Variants in PCDHGB3 observed in about 807,000 individuals in gnomAD.
The protein encoded by PCDHGB3 is protocadherin gamma subfamily B, 3, also known as protocadherin gamma-B3.
PCDHGB3 carries 40 observed loss-of-function variants against 59.2 expected under a neutral mutation model. The ratio of observed to expected loss-of-function variants is 0.68; its 90% CI spans 0.52 to 0.88. The LOEUF (loss-of-function observed/expected upper bound fraction) is 0.88. Among genes scored for constraint, PCDHGB3 ranks in the 40% least tolerant of loss-of-function variants. The pLI is 0.00. For synonymous variants in PCDHGB3, 581 were observed against 503.6 expected (o/e 1.15, Z -2.06); for missense variants, 1,309 against 1,187.9 (o/e 1.10, Z -1.50).
intron 1 of PCDHGB3, chr5:141,415,388 G>T: frequency 6.2e-7 from 1 of 1,614,236 alleles, no homozygotes; most frequent in Non-Finnish European, 8.5e-7. Context: ...GGCTTGACAG[G>T]TGTGTCCGGC....
intron 1 of PCDHGB3, chr5:141,389,633 C>T: frequency 1.2e-6 from 2 of 1,613,016 alleles, no homozygotes; most frequent in Non-Finnish European, 1.7e-6. Flanking sequence ...CAGAGCCTGG[C>T]TACTTGGTGA....
intron 1 of PCDHGB3, chr5:141,393,413 G>C: frequency 6.2e-7 from 1 of 1,614,046 alleles, no homozygotes; most frequent in Non-Finnish European, 8.5e-7. Flanking sequence ...AGCGCGCCCT[G>C]GACAGGGAGG....
intron 1 of PCDHGB3, chr5:141,419,861 T>G (rs749551833): frequency 6.2e-7 from 1 of 1,614,098 alleles, no homozygotes; most frequent in Non-Finnish European, 8.5e-7. Context: ...CGCAGATAGC[T>G]TGCAAGAGGT....
At position 141,476,247 on chromosome 5, in the gene PCDHGB3, G is replaced by C. The variant is rs1439421662; in HGVS notation, c.2416-18560G>C. 1 of 1,614,042 alleles carries C rather than the reference G, an allele frequency of 6.2e-7. No individual in the cohort carries two copies. Among genetic ancestry groups the C allele is most frequent in the Non-Finnish European group, 8.5e-7 (1 of 1,180,010 alleles). ...GAGATCCCGGAGGAAAGAGAGAAGG[G>C]TTTCGCTGTGGGCAACGTGGTCGCG... On this transcript the variant is annotated intron_variant, in intron 1 of 3. Coordinates refer to ENST00000576222, the MANE Select transcript of PCDHGB3 (RefSeq NM_018924.5). The surrounding 1 kb of genome is among the most constrained non-coding windows in gnomAD (Gnocchi z 7.6).
chr5:141,399,817 G>T (rs369747431), intron 1 of PCDHGB3: 1 of 1,613,224 alleles, frequency 6.2e-7, no homozygotes, highest in South Asian at 1.1e-5. Flanking sequence ...CCCCGCGCTG[G>T]GTCCCGACGG....
chr5:141,399,894 C>G lies in PCDHGB3; in HGVS notation c.2415+27085C>G, dbSNP rs201911174. ...GCTACCTGGTGACCAAGGTAGTGGC[C>G]GTGGACGCAGACTCAGGACACAACG... On this transcript the variant is annotated intron_variant, in intron 1 of 3. Transcript: ENST00000576222. 9.2e-4 allele frequency: 1,477 copies of G among 1,612,556 alleles called. 21 individuals carry two copies. In the South Asian group the frequency reaches 0.015, roughly 17 times the overall value.
intron 2 of PCDHGB3, among the ~76,000 whole-genome samples, chr5:141,496,839 AG>A (rs2099771805): frequency 1.3e-5 from 2 of 151,484 alleles, no homozygotes; most frequent in African/African-American, 4.9e-5. Context: ...CAGAACTCAT[AG>A]GCTTCCAGAC....
At chr5:141,377,633 T>C (rs1357016658) in intron 1 of PCDHGB3, 2 of 152,058 alleles carry the variant, frequency 1.3e-5, no homozygotes, top group Non-Finnish European at 2.9e-5. Flanking sequence ...TTGTTTTTTC[T>C]CAGTGTTACT....
chr5:141,379,623 A>G (rs1775713746), intron 1 of PCDHGB3: 1 of 152,198 alleles, frequency 6.6e-6, no homozygotes, highest in African/African-American at 2.4e-5. Flanking sequence ...AACAAATAAA[A>G]TATTTCTCTG....
At chr5:141,382,897 A>G in intron 1 of PCDHGB3, 1 of 1,540,826 alleles carries the variant, frequency 6.5e-7, no homozygotes, top group East Asian at 2.3e-5. Flanking sequence ...AAGCAGGACG[A>G]CTATGGCGGC....
rs115565444 is a variant in PCDHGB3, at chr5:141,487,520, G to A, written c.2416-7287G>A. On this transcript the variant is annotated intron_variant, in intron 1 of 3. Transcript: ENST00000576222. This position sits in a 1 kb window ranked among gnomAD's most constrained non-coding sequence, Gnocchi z 5.0. ...CTTGGCTTCTGCACCCACTCGGAGT[G>A]ATAGCTTCATGATGGTGAAGTCACC... is the stretch of plus-strand genomic sequence containing the variant. The A allele has an allele frequency of 3.3e-4, 540 of 1,614,166 alleles. 6 individuals carry two copies. The East Asian group carries it at 8.7e-3, about 26-fold the overall frequency.
chr5:141,421,912 A>G (rs1207036091), intron 1 of PCDHGB3: 2 of 1,613,696 alleles, frequency 1.2e-6, no homozygotes, highest in Admixed American at 1.7e-5. Context: ...CGCAGTTCCC[A>G]TTCGTGTGGT....
chr5:141,441,797 G>A, intron 1 of PCDHGB3: 2 of 386,536 alleles, frequency 5.2e-6, no homozygotes, highest in Non-Finnish European at 1.0e-5. Context: ...ACAACGCACC[G>A]CGGGTGCTGT....
intron 1 of PCDHGB3, among the ~76,000 whole-genome samples, chr5:141,434,029 A>C (rs970204484): frequency 2.6e-5 from 4 of 152,126 alleles, no homozygotes; most frequent in Admixed American, 2.6e-4. Context: ...TTCTGGAAGC[A>C]TGGTTTTCTA....
In PCDHGB3 at chr5:141,477,844, G is replaced by A. The variant is rs748180474; in HGVS notation, c.2416-16963G>A. On this transcript the variant is annotated intron_variant, in intron 1 of 3. Coordinates refer to ENST00000576222, the MANE Select transcript of PCDHGB3 (RefSeq NM_018924.5). This position sits in a 1 kb window ranked among gnomAD's most constrained non-coding sequence, Gnocchi z 4.9. ...TATATCCTCGGCCAGGTGGGAGCTC[G>A]GTGGAGATGCTGCCTCGAGGTACCT... The A allele has an allele frequency of 6.2e-7, 1 of 1,613,394 alleles. No individual in the cohort carries two copies.
rs184835272 is a variant in PCDHGB3, at chr5:141,470,234, C to A, written c.2416-24573C>A. ...AACCATTCAGCTTCTTCACCAAACC[C>A]TTGAATGTCCCACCTGTCTAAATGG... On this transcript the variant is annotated intron_variant, in intron 1 of 3. Transcript: ENST00000576222. Among the ~76,000 whole-genome samples, 6 of 152,288 alleles carry A rather than the reference C, an allele frequency of 3.9e-5. No individual in the cohort carries two copies. The East Asian group carries it at 9.6e-4, about 24-fold the overall frequency.
chr5:141,490,103 C>T lies in PCDHGB3; in HGVS notation c.2416-4704C>T, dbSNP rs1012215533. ...TCTTTTGGAGACCACACATCTGAGG[C>T]AGTGCGGAACCTCTTTGGCCTAGAC... On this transcript the variant is annotated intron_variant, in intron 1 of 3. Coordinates refer to ENST00000576222, the MANE Select transcript of PCDHGB3 (RefSeq NM_018924.5). The surrounding 1 kb of genome is among the most constrained non-coding windows in gnomAD (Gnocchi z 5.4). The T allele has an allele frequency of 6.2e-7, 1 of 1,614,122 alleles. No homozygotes were observed. The highest frequency in any genetic ancestry group is 1.3e-5 in the African/African-American group (1 of 74,954).
intron 2 of PCDHGB3, among the ~76,000 whole-genome samples, chr5:141,501,802 C>T (rs2099811151): frequency 1.3e-5 from 2 of 152,154 alleles, no homozygotes; most frequent in Non-Finnish European, 2.9e-5. Context: ...ATCTCTTACC[C>T]AGCTTCACAT....
intron 1 of PCDHGB3, chr5:141,421,949 C>T (rs749189262): frequency 6.2e-6 from 10 of 1,612,856 alleles, no homozygotes; most frequent in Non-Finnish European, 6.8e-6. Flanking sequence ...GATCACATCC[C>T]AATGTTTACA....
Sources: gnomAD v4.1 joint callset for allele counts (sites outside exome capture counted in the v4.1 genomes callset) on GRCh38, gnomAD v4.1.1 for gene constraint, Gnocchi (gnomAD v3.1) non-coding constraint, MANE v1.5 for transcripts, NCBI Gene and HGNC (gene_info 2026-07-23, HGNC 2026-07-21) for gene names.